The following SNX30 variants were observed in gnomAD, a reference collection of about 807,000 sequenced individuals.
SNX30 encodes the protein sorting nexin-30.
SNX30 carries 24 observed loss-of-function variants against 46.4 expected under a neutral mutation model. That is an observed-to-expected ratio of 0.52 (90% confidence interval 0.37 to 0.73). The LOEUF (loss-of-function observed/expected upper bound fraction) is 0.73. Among genes scored for constraint, SNX30 ranks in the 30% least tolerant of loss-of-function variants. The pLI, the probability that SNX30 is intolerant of heterozygous loss-of-function variation, is 0.00. For synonymous variants in SNX30, 189 were observed against 211.5 expected, an observed-to-expected ratio of 0.89 and a Z score of 0.92; for missense variants, 533 against 555.7, an observed-to-expected ratio of 0.96 and a Z score of 0.41.
intron 4 of SNX30, among the ~76,000 whole-genome samples, chr9:112,835,268 TTG>T (rs1840734642): frequency 6.6e-6 from 1 of 152,136 alleles, no homozygotes; most frequent in Non-Finnish European, 1.5e-5. Context: ...AACCTGAAGA[TTG>T]TATAGATTCC....
chr9:112,852,761 A>G (rs1001305816), intron 7 of SNX30, among the ~76,000 whole-genome samples: 3 of 152,140 alleles, frequency 2.0e-5, no homozygotes, highest in Admixed American at 6.5e-5. Context: ...TTTGTTTTCA[A>G]AGAGAGGGGT....
intron 2 of SNX30, among the ~76,000 whole-genome samples, chr9:112,808,928 T>C (rs142773954): frequency 3.1e-4 from 47 of 152,362 alleles, no homozygotes; most frequent in African/African-American, 1.1e-3. Context: ...TAGATATAAA[T>C]ACTATTATCT....
intron 8 of SNX30, among the ~76,000 whole-genome samples, chr9:112,867,586 C>T (rs890443654): frequency 4.0e-5 from 6 of 151,104 alleles, no homozygotes; most frequent in African/African-American, 1.5e-4. Flanking sequence ...CAGAATTCCT[C>T]CTGGCTCCTC....
At chr9:112,826,756 G>T (rs948039290) in intron 3 of SNX30, among the ~76,000 whole-genome samples, 2 of 152,158 alleles carry the variant, frequency 1.3e-5, no homozygotes, top group Non-Finnish European at 2.9e-5. Flanking sequence ...AATCTGCTTA[G>T]CACGAAAAGC....
At chr9:112,846,874 T>G (rs763688767) in intron 6 of SNX30, among the ~76,000 whole-genome samples, 1 of 152,176 alleles carries the variant, frequency 6.6e-6, no homozygotes, top group Non-Finnish European at 1.5e-5. Context: ...TTTCTGCCTT[T>G]TCCCCTCCCA....
intron 3 of SNX30, 53 bp downstream of exon 3, chr9:112,817,868 C>T: frequency 1.7e-6 from 2 of 1,200,868 alleles, no homozygotes; most frequent in Non-Finnish European, 2.5e-6. Context: ...GTTGTCTTTC[C>T]TGAAGGGGTT....
intron 1 of SNX30, among the ~76,000 whole-genome samples, chr9:112,798,006 G>A (rs143404727): frequency 8.3e-4 from 124 of 150,294 alleles, no homozygotes; most frequent in African/African-American, 2.1e-3. Flanking sequence ...GGCACTGCGC[G>A]CCCAGCCAGG....
intron 3 of SNX30, among the ~76,000 whole-genome samples, chr9:112,823,377 A>G (rs1326030282): frequency 1.3e-5 from 2 of 152,188 alleles, no homozygotes; most frequent in Non-Finnish European, 2.9e-5. Flanking sequence ...CTTTATATCC[A>G]TTGAACAACT....
At chr9:112,819,986 A>G (rs1233997949) in intron 3 of SNX30, among the ~76,000 whole-genome samples, 2 of 152,218 alleles carry the variant, frequency 1.3e-5, no homozygotes, top group Admixed American at 1.3e-4. Context: ...TTTATAGCCC[A>G]CACCATGCAT....
intron 4 of SNX30, among the ~76,000 whole-genome samples, chr9:112,834,981 C>CT (rs1840730473): frequency 2.0e-5 from 3 of 152,076 alleles, no homozygotes; most frequent in Admixed American, 2.0e-4. Context: ...CACTCAGATA[C>CT]TATAGAGACC....
chr9:112,793,717 C>A (rs1840061294), intron 1 of SNX30, among the ~76,000 whole-genome samples: 1 of 151,948 alleles, frequency 6.6e-6, no homozygotes, highest in Non-Finnish European at 1.5e-5. Context: ...AGACCTTTGG[C>A]ATTTGGATGG....
intron 2 of SNX30, among the ~76,000 whole-genome samples, chr9:112,812,152 T>C (rs975097393): frequency 6.6e-6 from 1 of 152,210 alleles, no homozygotes; most frequent in Non-Finnish European, 1.5e-5. Flanking sequence ...CTAATTTATG[T>C]CATTTGATTG....
At chr9:112,876,491 G>T (rs1460509577), downstream of SNX30, among the ~76,000 whole-genome samples, 1 of 152,130 alleles carries the variant, frequency 6.6e-6, no homozygotes, top group African/African-American at 2.4e-5. Context: ...AGGTGGTGGG[G>T]TGTGAGAAGG....
At chr9:112,786,938 G>T (rs1156708833) in intron 1 of SNX30, among the ~76,000 whole-genome samples, 1 of 152,238 alleles carries the variant, frequency 6.6e-6, no homozygotes, top group Admixed American at 6.5e-5. Context: ...ACTATGATCA[G>T]ACTCTTGGTT....
At chr9:112,764,304 G>A (rs1171553431) in intron 1 of SNX30, among the ~76,000 whole-genome samples, 1 of 152,232 alleles carries the variant, frequency 6.6e-6, no homozygotes, top group Non-Finnish European at 1.5e-5. Flanking sequence ...GGTCCTGGCT[G>A]TGGTCTGTAG....
At chr9:112,785,254 C>T (rs1839904006) in intron 1 of SNX30, among the ~76,000 whole-genome samples, 1 of 152,042 alleles carries the variant, frequency 6.6e-6, no homozygotes, top group South Asian at 2.1e-4. Context: ...CTCACTCTGT[C>T]ACCCAGGGTG....
chr9:112,827,941 T>C (rs1840602889), intron 3 of SNX30, among the ~76,000 whole-genome samples: 1 of 152,240 alleles, frequency 6.6e-6, no homozygotes, highest in Admixed American at 6.5e-5. Context: ...CTAAAGAGGC[T>C]GCATCTGCAC....
chr9:112,768,534 C>T (rs1839582955), intron 1 of SNX30, among the ~76,000 whole-genome samples: 1 of 151,184 alleles, frequency 6.6e-6, no homozygotes, highest in Non-Finnish European at 1.5e-5. Flanking sequence ...CTCCAAAGAT[C>T]TCTTAGACAA....
At chr9:112,842,721 A>G (rs1840878966) in intron 6 of SNX30, among the ~76,000 whole-genome samples, 1 of 152,220 alleles carries the variant, frequency 6.6e-6, no homozygotes, top group African/African-American at 2.4e-5. Context: ...CTCCAACTGT[A>G]TCTCTTTCAG....
Sources: gnomAD v4.1 joint callset for allele counts (sites outside exome capture counted in the v4.1 genomes callset) on GRCh38, gnomAD v4.1.1 for gene constraint, MANE v1.5 for transcripts, NCBI Gene and HGNC (gene_info 2026-07-23, HGNC 2026-07-21) for gene names.